The following RTN4IP1 variants were observed in gnomAD, a reference collection of about 807,000 sequenced individuals.
The protein encoded by RTN4IP1 is NAD(P)H oxidoreductase RTN4IP1, mitochondrial.
A neutral mutation model predicts 46.6 loss-of-function variants in RTN4IP1; 32 were observed. The observed-to-expected ratio is 0.69, with a 90% CI of 0.52 to 0.92. The LOEUF (loss-of-function observed/expected upper bound fraction) is 0.92. Among genes scored for constraint, RTN4IP1 ranks in the 40% least tolerant of loss-of-function variants. RTN4IP1 has a pLI of 0.00. For synonymous variants in RTN4IP1, 167 were observed against 161.8 expected (o/e 1.03, Z -0.24); for missense variants, 424 against 485.8 (o/e 0.87, Z 1.20).
chr6:106,629,525 C>A, upstream of RTN4IP1: 1 of 976,390 alleles, frequency 1.0e-6, no homozygotes, highest in Non-Finnish European at 1.5e-6. Context: ...CTACAAAGAT[C>A]ATTTCCTCGG....
intron 6 of RTN4IP1, among the ~76,000 whole-genome samples, chr6:106,589,961 G>A (rs1775605819): frequency 6.6e-6 from 1 of 152,200 alleles, no homozygotes; most frequent in African/African-American, 2.4e-5. Context: ...TAGACTGAGT[G>A]TCCTCTAGCC....
At chr6:106,583,985 T>C (rs1775426127) in intron 7 of RTN4IP1, among the ~76,000 whole-genome samples, 1 of 152,216 alleles carries the variant, frequency 6.6e-6, no homozygotes, top group Non-Finnish European at 1.5e-5. Context: ...TCTTTCCCTA[T>C]GGTTATGGCA....
At chr6:106,597,785 G>A (rs1433125498) in intron 5 of RTN4IP1, among the ~76,000 whole-genome samples, 1 of 150,832 alleles carries the variant, frequency 6.6e-6, no homozygotes, top group African/African-American at 2.4e-5. Context: ...ATTCTGGTGC[G>A]CTGCACCCAC....
At chr6:106,618,812 C>T (rs969189818) in intron 4 of RTN4IP1, among the ~76,000 whole-genome samples, 2 of 152,132 alleles carry the variant, frequency 1.3e-5, no homozygotes, top group Admixed American at 1.3e-4. Flanking sequence ...AGGGAAAAAA[C>T]ATCTTAACCT....
upstream of RTN4IP1, among the ~76,000 whole-genome samples, chr6:106,630,480 T>C (rs1776799597): frequency 6.6e-6 from 1 of 152,238 alleles, no homozygotes; most frequent in Non-Finnish European, 1.5e-5. Flanking sequence ...CTTGCAGATA[T>C]GGCTGGAATC....
chr6:106,601,400 C>T (rs990809236), intron 5 of RTN4IP1, among the ~76,000 whole-genome samples: 11 of 152,176 alleles, frequency 7.2e-5, no homozygotes, highest in African/African-American at 2.2e-4. Context: ...CTTTGACATA[C>T]AAAAGTTTTT....
At chr6:106,574,101 G>A (rs1176807216) in intron 8 of RTN4IP1, among the ~76,000 whole-genome samples, 3 of 152,188 alleles carry the variant, frequency 2.0e-5, no homozygotes, top group Non-Finnish European at 4.4e-5. Flanking sequence ...GAGGGCTGTG[G>A]TGAGTCCCAC....
At chr6:106,573,342 T>A (rs1280661929) in intron 8 of RTN4IP1, among the ~76,000 whole-genome samples, 1 of 152,226 alleles carries the variant, frequency 6.6e-6, no homozygotes, top group Admixed American at 6.5e-5. Flanking sequence ...CGCTTTCCTT[T>A]TACAAGAGGA....
chr6:106,606,444 C>T (rs9373882), intron 4 of RTN4IP1, among the ~76,000 whole-genome samples: 118,562 of 151,960 alleles, frequency 0.78, 47,693 homozygotes, highest in Non-Finnish European at 0.89. Flanking sequence ...TTTAAATAAA[C>T]AAATATAAAT....
chr6:106,597,630 A>C (rs1391975930), intron 5 of RTN4IP1, among the ~76,000 whole-genome samples: 2 of 151,214 alleles, frequency 1.3e-5, no homozygotes, highest in Non-Finnish European at 2.9e-5. Context: ...AGGGTGAGCC[A>C]CTGTGCCCAG....
intron 8 of RTN4IP1, among the ~76,000 whole-genome samples, chr6:106,573,173 G>C (rs1463819195): frequency 2.6e-5 from 4 of 152,128 alleles, no homozygotes; most frequent in Non-Finnish European, 4.4e-5. Flanking sequence ...TAGGTCCCAG[G>C]TAACATCCTC....
At chr6:106,586,776 T>C (rs1775496195) in intron 7 of RTN4IP1, among the ~76,000 whole-genome samples, 1 of 152,144 alleles carries the variant, frequency 6.6e-6, no homozygotes, top group Admixed American at 6.5e-5. Context: ...TATAAAAGCC[T>C]CTCTCCCCAC....
At chr6:106,582,421 C>G (rs2114627658) in intron 8 of RTN4IP1, among the ~76,000 whole-genome samples, 1 of 152,294 alleles carries the variant, frequency 6.6e-6, no homozygotes, top group Non-Finnish European at 1.5e-5. Context: ...CAGCTTCAAG[C>G]ACTAAGAATA....
intron 4 of RTN4IP1, among the ~76,000 whole-genome samples, chr6:106,606,185 G>A (rs1776069526): frequency 6.6e-6 from 1 of 152,184 alleles, no homozygotes; most frequent in Non-Finnish European, 1.5e-5. Context: ...ACTTCAGGAG[G>A]CTGAGGCAGG....
At chr6:106,630,122 C>G (rs1440787662), upstream of RTN4IP1, among the ~76,000 whole-genome samples, 1 of 152,130 alleles carries the variant, frequency 6.6e-6, no homozygotes, top group South Asian at 2.1e-4. Flanking sequence ...TAATTTTTGG[C>G]TTTTTTCAAA....
chr6:106,594,119 T>G (rs1743506374), intron 5 of RTN4IP1, among the ~76,000 whole-genome samples: 1 of 152,204 alleles, frequency 6.6e-6, no homozygotes, highest in South Asian at 2.1e-4. Context: ...CCTTTCCCAT[T>G]TAGAGCTATT....
chr6:106,619,778 AT>A (rs200013495), intron 3 of RTN4IP1, among the ~76,000 whole-genome samples: 11,194 of 151,264 alleles, frequency 0.074, 1,062 homozygotes, highest in African/African-American at 0.2. Flanking sequence ...CGCCCAGCTA[AT>A]TTTTTGTATT....
Position 106,598,941 on chromosome 6 carries a change from C to T in RTN4IP1, c.669+3933G>A, listed in dbSNP as rs73508213. On this transcript the variant is annotated intron_variant, in intron 5 of 8. Transcript: ENST00000369063. ...GAGCATTATGTGTTGTGTTTACTTG[C>T]TATTGAGTTCCTCTTAGTTTAGTCT... is the stretch of plus-strand genomic sequence containing the variant. Among the ~76,000 whole-genome samples, 444 of 152,062 alleles carry T rather than the reference C, an allele frequency of 2.9e-3. 5 individuals are homozygous for T. The highest frequency in any genetic ancestry group is 0.01 in the African/African-American group (432 of 41,498).
intron 4 of RTN4IP1, among the ~76,000 whole-genome samples, chr6:106,617,093 A>G (rs990375330): frequency 5.9e-5 from 9 of 152,234 alleles, no homozygotes; most frequent in African/African-American, 1.9e-4. Flanking sequence ...AGAACCAGAA[A>G]GTTGGTCCTC....
Sources: allele counts gnomAD v4.1 joint callset (sites outside exome capture counted in the v4.1 genomes callset), GRCh38; gene constraint gnomAD v4.1.1; transcripts MANE v1.5; gene names NCBI Gene and HGNC (gene_info 2026-07-23, HGNC 2026-07-21).